GRM7: variants seen among roughly 807,000 people sequenced by gnomAD.
GRM7 encodes the protein glutamate metabotropic receptor 7, also known as metabotropic glutamate receptor 7.
In GRM7, 35 loss-of-function variants were observed where a neutral mutation model predicts 84.5. The observed-to-expected ratio is 0.41, with a 90% CI of 0.32 to 0.55. GRM7 has a LOEUF of 0.55. Among genes scored for constraint, GRM7 ranks in the 20% least tolerant of loss-of-function variants. The pLI is 0.19. For synonymous variants in GRM7, 487 were observed against 455.1 expected, an observed-to-expected ratio of 1.07 and a Z score of -0.89; for missense variants, 1,003 against 1,194.6, an observed-to-expected ratio of 0.84 and a Z score of 2.36.
intron 8 of GRM7, among the ~76,000 whole-genome samples, chr3:7,624,317 C>A (rs752121792): frequency 6.6e-6 from 1 of 152,010 alleles, no homozygotes; most frequent in Non-Finnish European, 1.5e-5. Flanking sequence ...ATGAGGGATG[C>A]CATGTGGACA....
At chr3:7,265,920 G>A (rs1360974593) in intron 2 of GRM7, among the ~76,000 whole-genome samples, 1 of 152,150 alleles carries the variant, frequency 6.6e-6, no homozygotes, top group Non-Finnish European at 1.5e-5. Flanking sequence ...GCCTGGTGGG[G>A]TTACACGGAA....
At chr3:7,562,554 G>T (rs1019374886) in intron 7 of GRM7, among the ~76,000 whole-genome samples, 1 of 151,964 alleles carries the variant, frequency 6.6e-6, no homozygotes, top group Admixed American at 6.6e-5. Context: ...ATGACCCTAC[G>T]AGTTCTTCTA....
chr3:7,078,111 T>C (rs965255830), intron 1 of GRM7, among the ~76,000 whole-genome samples: 10 of 152,140 alleles, frequency 6.6e-5, no homozygotes, highest in Non-Finnish European at 1.0e-4. Flanking sequence ...TGAACCCTGA[T>C]GAAAAGAGAA....
At chr3:7,104,452 A>G (rs1699230947) in intron 1 of GRM7, among the ~76,000 whole-genome samples, 1 of 151,666 alleles carries the variant, frequency 6.6e-6, no homozygotes, top group South Asian at 2.1e-4. Flanking sequence ...CACTTCCATA[A>G]TCTGGTTGCT....
chr3:7,191,763 C>T (rs1695718947), intron 2 of GRM7, among the ~76,000 whole-genome samples: 1 of 151,458 alleles, frequency 6.6e-6, no homozygotes, highest in Non-Finnish European at 1.5e-5. Flanking sequence ...CTTTAATGGA[C>T]AAGGGAGTTT....
At chr3:7,437,277 C>G (rs1697096661) in intron 5 of GRM7, among the ~76,000 whole-genome samples, 1 of 152,144 alleles carries the variant, frequency 6.6e-6, no homozygotes, top group South Asian at 2.1e-4. Flanking sequence ...AAATTTGGTG[C>G]CTTCTCTTAG....
intron 5 of GRM7, among the ~76,000 whole-genome samples, chr3:7,425,367 C>T (rs1171963465): frequency 6.6e-6 from 1 of 152,214 alleles, no homozygotes; most frequent in African/African-American, 2.4e-5. Flanking sequence ...AGAGCTCAAA[C>T]TCCTTGTTCA....
At chr3:7,706,178 A>T (rs1559498574) in intron 9 of GRM7, among the ~76,000 whole-genome samples, 1 of 152,242 alleles carries the variant, frequency 6.6e-6, no homozygotes, top group Non-Finnish European at 1.5e-5. Flanking sequence ...AAAAACAAGT[A>T]GGTTGATTGC....
chr3:7,107,165 C>T (rs1692683832), intron 1 of GRM7, among the ~76,000 whole-genome samples: 1 of 152,000 alleles, frequency 6.6e-6, no homozygotes, highest in Admixed American at 6.6e-5. Flanking sequence ...GAGCACTCAT[C>T]AGGATAGAGA....
At chr3:7,393,485 G>A (rs549360502) in intron 4 of GRM7, among the ~76,000 whole-genome samples, 7 of 152,238 alleles carry the variant, frequency 4.6e-5, no homozygotes, top group South Asian at 4.1e-4. Context: ...GTCTCAAATC[G>A]GTTTCTGGCT....
At chr3:6,958,139 A>T (rs1693143252) in intron 1 of GRM7, among the ~76,000 whole-genome samples, 1 of 151,994 alleles carries the variant, frequency 6.6e-6, no homozygotes, top group Admixed American at 6.6e-5. Flanking sequence ...CAAAACATCA[A>T]ATTTACCACC....
chr3:7,123,991 C>T (rs1206748242), intron 1 of GRM7, among the ~76,000 whole-genome samples: 1 of 152,094 alleles, frequency 6.6e-6, no homozygotes, highest in Non-Finnish European at 1.5e-5. Flanking sequence ...TGCCAGCCTG[C>T]CTTTATCTTG....
intron 8 of GRM7, chr3:7,607,750 T>TA (rs1553624016): frequency 1.3e-5 from 2 of 148,254 alleles, no homozygotes; most frequent in Non-Finnish European, 3.0e-5. Flanking sequence ...TTTTTTTTTT[T>TA]AGGTTTGGGG....
chr3:7,014,190 A>G (rs1695483300), intron 1 of GRM7, among the ~76,000 whole-genome samples: 1 of 152,220 alleles, frequency 6.6e-6, no homozygotes, highest in Admixed American at 6.5e-5. Context: ...AAACAAAACC[A>G]AAACAAATAT....
chr3:7,087,353 C>T (rs73115025), intron 1 of GRM7, among the ~76,000 whole-genome samples: 10,577 of 151,198 alleles, frequency 0.07, 415 homozygotes, highest in African/African-American at 0.12. Context: ...GCCAAGTTCT[C>T]TGCTAAGTTA....
intron 1 of GRM7, among the ~76,000 whole-genome samples, chr3:6,873,894 G>C (rs754308433): frequency 1.3e-5 from 2 of 152,214 alleles, no homozygotes; most frequent in Admixed American, 6.5e-5. Context: ...GGGTGAAAGA[G>C]AGATTGTTTC....
At chr3:7,206,580 A>G (rs1696246823) in intron 2 of GRM7, among the ~76,000 whole-genome samples, 1 of 152,230 alleles carries the variant, frequency 6.6e-6, no homozygotes, top group Non-Finnish European at 1.5e-5. Flanking sequence ...AACAATGGCT[A>G]CATTGTATCA....
intron 1 of GRM7, among the ~76,000 whole-genome samples, chr3:6,915,563 A>G (rs1696914295): frequency 6.6e-6 from 1 of 152,204 alleles, no homozygotes; most frequent in African/African-American, 2.4e-5. Context: ...GCTTGGTTCT[A>G]TGCATACCAA....
chr3:7,622,104 G>T (rs151183893), intron 8 of GRM7, among the ~76,000 whole-genome samples: 33 of 152,244 alleles, frequency 2.2e-4, no homozygotes, highest in African/African-American at 7.7e-4. Flanking sequence ...AAGGCAAAAT[G>T]ATTTACCCAA....
Sources: allele counts gnomAD v4.1 joint callset (sites outside exome capture counted in the v4.1 genomes callset), GRCh38; gene constraint gnomAD v4.1.1; transcripts MANE v1.5; gene names NCBI Gene and HGNC (gene_info 2026-07-23, HGNC 2026-07-21).